GATAD2A: variants seen among roughly 807,000 people sequenced by gnomAD.
The protein encoded by GATAD2A is transcriptional repressor p66-alpha.
A neutral mutation model predicts 68.5 loss-of-function variants in GATAD2A; 12 were observed. That is an observed-to-expected ratio of 0.18 (90% CI 0.11 to 0.28). The LOEUF (loss-of-function observed/expected upper bound fraction) is 0.28, where lower values mean the gene tolerates loss of function less well. Among genes scored for constraint, GATAD2A ranks in the 10% least tolerant of loss-of-function variants. The probability of loss-of-function intolerance (pLI) is 1.00; values close to 1 mark genes in which losing one functional copy is unlikely to be tolerated. For missense variants in GATAD2A, 755 were observed against 868.5 expected, an observed-to-expected ratio of 0.87 and a Z score of 1.64; for synonymous variants, 410 against 375.3, an observed-to-expected ratio of 1.09 and a Z score of -1.07.
chr19:19,488,747 C>G (rs1050068600), intron 2 of GATAD2A, among the ~76,000 whole-genome samples: 1 of 152,212 alleles, frequency 6.6e-6, no homozygotes, highest in Non-Finnish European at 1.5e-5. Flanking sequence ...ACGCTGATAA[C>G]AGCCTGGCCT....
In GATAD2A at chr19:19,452,234, A is replaced by G. The variant is rs117445098; in HGVS notation, c.-6-13106A>G. On this transcript the variant is annotated intron_variant, in intron 1 of 11. Transcript: ENST00000683918. ...CAGATGCTCTTACTTCATGGGCGCC[A>G]TGTGTTCCTTGTCCCCTTCCCAGTC... Among the ~76,000 whole-genome samples, 16 of 152,168 alleles carry G rather than the reference A, an allele frequency of 1.1e-4. No individual in the cohort carries two copies. In the East Asian group the frequency reaches 3.1e-3, roughly 29 times the overall value.
intron 1 of GATAD2A, among the ~76,000 whole-genome samples, chr19:19,395,676 T>C (rs999141205): frequency 1.3e-5 from 2 of 152,176 alleles, no homozygotes; most frequent in African/African-American, 4.8e-5. Flanking sequence ...AAGAGCTGCC[T>C]GGAGGTGTGT....
chr19:19,437,954 T>G (rs2054557461), intron 1 of GATAD2A, among the ~76,000 whole-genome samples: 1 of 152,242 alleles, frequency 6.6e-6, no homozygotes, highest in South Asian at 2.1e-4. Flanking sequence ...GTGCAGTTAC[T>G]GGATCATATG....
rs925581729 is a variant in GATAD2A, at chr19:19,405,860, G to C, written c.-166G>C. ...GGCGGCGCGGGCGGGCGGGCGGACC[G>C]GCGCAGCGAGCGCCGCGGGCCCGGG... On this transcript the variant is annotated 5_prime_UTR_variant, in exon 1 of 12. Coordinates refer to ENST00000683918, the MANE Select transcript of GATAD2A (RefSeq NM_001384528.1). The C allele has an allele frequency of 2.7e-5, 4 of 146,324 alleles. No individual in the cohort carries two copies. Among genetic ancestry groups the C allele is most frequent in the Admixed American group, 6.8e-5 (1 of 14,736 alleles). The allele number at this position is 146,324 out of a possible 1,614,324, so 9.1% of individuals were successfully genotyped here.
intron 2 of GATAD2A, among the ~76,000 whole-genome samples, chr19:19,477,684 A>AC (rs1185114952): frequency 9.2e-5 from 14 of 151,372 alleles, no homozygotes; most frequent in Non-Finnish European, 1.5e-4. Context: ...TGGGTTTGGG[A>AC]CCCCCCTCTG....
At chr19:19,436,097 AAC>A (rs2054307084) in intron 1 of GATAD2A, 15 of 1,170,744 alleles carry the variant, frequency 1.3e-5, no homozygotes, top group African/African-American at 6.2e-5. Context: ...CTTGCTTGGA[AAC>A]ACAGTGTTTC....
chr19:19,484,925 T>A (rs2059332701), intron 2 of GATAD2A, among the ~76,000 whole-genome samples: 1 of 152,218 alleles, frequency 6.6e-6, no homozygotes. Context: ...CTCACTTCAC[T>A]CCAGGTGCTG....
chr19:19,499,322 C>T (rs931269229), intron 8 of GATAD2A, among the ~76,000 whole-genome samples: 2 of 152,166 alleles, frequency 1.3e-5, no homozygotes, highest in Non-Finnish European at 1.5e-5. Context: ...ACATGGAGAC[C>T]AAGGACGTTT....
At chr19:19,431,659 ACT>A (rs969533013) in intron 1 of GATAD2A, among the ~76,000 whole-genome samples, 3 of 148,362 alleles carry the variant, frequency 2.0e-5, no homozygotes, top group African/African-American at 7.5e-5. Context: ...GCACCACTGC[ACT>A]CCAGCCTGAG....
upstream of GATAD2A, among the ~76,000 whole-genome samples, chr19:19,404,451 C>T (rs979121749): frequency 5.9e-5 from 9 of 151,952 alleles, no homozygotes; most frequent in East Asian, 1.9e-4. Flanking sequence ...GAGGCCGATG[C>T]GAACAGATCA....
intron 1 of GATAD2A, among the ~76,000 whole-genome samples, chr19:19,394,282 C>T (rs1294013147): frequency 6.6e-6 from 1 of 152,054 alleles, no homozygotes; most frequent in Non-Finnish European, 1.5e-5. Flanking sequence ...ATAAACCGCT[C>T]TAAAAGCCCT....
chr19:19,408,890 A>G (rs1356697780), intron 1 of GATAD2A, among the ~76,000 whole-genome samples: 1 of 152,060 alleles, frequency 6.6e-6, no homozygotes, highest in East Asian at 1.9e-4. Context: ...CTTGAAGGGG[A>G]TTAAGGCAAG....
intron 1 of GATAD2A, among the ~76,000 whole-genome samples, chr19:19,407,832 T>C (rs943119465): frequency 6.6e-6 from 1 of 152,246 alleles, no homozygotes; most frequent in Non-Finnish European, 1.5e-5. Flanking sequence ...TTATAGGATG[T>C]GGGAAATTTG....
At chr19:19,430,773 C>G (rs1413024502) in intron 1 of GATAD2A, among the ~76,000 whole-genome samples, 1 of 152,162 alleles carries the variant, frequency 6.6e-6, no homozygotes, top group African/African-American at 2.4e-5. Context: ...CAGGTAGTGG[C>G]CAGTGTCAGG....
At chr19:19,401,212 C>CTTTTT (rs1187049852), upstream of GATAD2A, among the ~76,000 whole-genome samples, 7 of 91,826 alleles carry the variant, frequency 7.6e-5, no homozygotes, top group African/African-American at 1.6e-4. Flanking sequence ...AAAAACTTGG[C>CTTTTT]TTTTTTTTTT....
At chr19:19,444,494 C>T (rs2055473291) in intron 1 of GATAD2A, among the ~76,000 whole-genome samples, 1 of 152,146 alleles carries the variant, frequency 6.6e-6, no homozygotes, top group African/African-American at 2.4e-5. Context: ...TCCCTGATCC[C>T]TAAGTAGAAA....
At chr19:19,403,743 G>C (rs920647409), upstream of GATAD2A, among the ~76,000 whole-genome samples, 2 of 152,168 alleles carry the variant, frequency 1.3e-5, no homozygotes, top group African/African-American at 2.4e-5. Context: ...GTAATAGTTT[G>C]CTTGTATTGC....
intron 1 of GATAD2A, among the ~76,000 whole-genome samples, chr19:19,438,660 A>C (rs1272946661): frequency 6.6e-6 from 1 of 152,246 alleles, no homozygotes; most frequent in Non-Finnish European, 1.5e-5. Context: ...GTTGCCAGCC[A>C]GCAGGGAAGA....
In GATAD2A at chr19:19,505,655, A is replaced by C; in HGVS notation, c.*181A>C. 1.8e-6 allele frequency: 1 copy of C among 554,512 alleles called. No homozygotes were observed. The highest frequency in any genetic ancestry group is 3.0e-6 in the Non-Finnish European group (1 of 328,420). The allele number at this position is 554,512 out of a possible 1,614,324, so 34.3% of individuals were successfully genotyped here. Reference sequence around the variant, plus strand: ...TTGGCTGCAAAGTTTCATCAGGGCTAGGGGGCTGGTGCCGCCTCATAGGCA... The same window carrying C: ...TTGGCTGCAAAGTTTCATCAGGGCTCGGGGGCTGGTGCCGCCTCATAGGCA... On this transcript the variant is annotated 3_prime_UTR_variant, in exon 12 of 12. Transcript: ENST00000683918.
Sources: allele counts gnomAD v4.1 joint callset (sites outside exome capture counted in the v4.1 genomes callset), GRCh38; gene constraint gnomAD v4.1.1; transcripts MANE v1.5; gene names NCBI Gene and HGNC (gene_info 2026-07-23, HGNC 2026-07-21).